Variants in LRP1B observed in about 807,000 individuals in gnomAD.
LRP1B encodes the protein LDL receptor related protein 1B.
A neutral mutation model predicts 556.6 loss-of-function variants in LRP1B; 217 were observed. That is an observed-to-expected ratio of 0.39 (90% CI 0.35 to 0.44). LRP1B has a LOEUF of 0.44. LRP1B is among the 20% of genes least tolerant of loss of function. The pLI, the probability that LRP1B is intolerant of heterozygous loss-of-function variation, is 1.00. For missense variants in LRP1B, 5,053 were observed against 5,620.8 expected (o/e 0.90, Z 3.23); for synonymous variants, 2,047 against 1,865.8 (o/e 1.10, Z -2.50).
At position 140,502,005 on chromosome 2, in the gene LRP1B, T is replaced by C. The variant is rs534279288; in HGVS notation, c.8663-131A>G. The C allele has an allele frequency of 1.2e-5, 8 of 646,702 alleles. No individual in the cohort carries two copies. In the East Asian group the frequency reaches 1.5e-4, roughly 12 times the overall value. 40.1% of individuals were successfully genotyped at this position (646,702 alleles called of 1,614,324 possible). ...TAATATAAGTTTATATAAAATCTTTTACATATTCAGTATAATATCTTACAC... is the reference window on the plus strand; with the variant it reads ...TAATATAAGTTTATATAAAATCTTTCACATATTCAGTATAATATCTTACAC... On this transcript the variant is annotated intron_variant, in intron 54 of 90. Coordinates refer to ENST00000389484, the MANE Select transcript of LRP1B (RefSeq NM_018557.3).
intron 2 of LRP1B, among the ~76,000 whole-genome samples, chr2:141,560,117 G>T (rs895968592): frequency 1.3e-5 from 2 of 151,618 alleles, no homozygotes; most frequent in African/African-American, 4.8e-5. Context: ...AAAGAAAATG[G>T]TTAAGAAAAA....
At chr2:142,129,864 T>C (rs948499695) in intron 1 of LRP1B, among the ~76,000 whole-genome samples, 1 of 152,032 alleles carries the variant, frequency 6.6e-6, no homozygotes, top group African/African-American at 2.4e-5. Flanking sequence ...GTTTATAGAA[T>C]CCCGGCTTTT....
At chr2:140,315,217 C>T in intron 82 of LRP1B, 118 bp from the exon 83 acceptor site, 1 of 652,600 alleles carries the variant, frequency 1.5e-6, no homozygotes, top group Non-Finnish European at 2.4e-6. Flanking sequence ...AATAATTAAC[C>T]CCAAGTACAA....
intron 1 of LRP1B, among the ~76,000 whole-genome samples, chr2:142,015,835 AC>A (rs1197586270): frequency 3.3e-5 from 5 of 151,914 alleles, no homozygotes; most frequent in African/African-American, 9.6e-5. Context: ...CTACTAAAAT[AC>A]AAAAAATTAG....
chr2:140,447,080 A>G (rs768658198), intron 63 of LRP1B, among the ~76,000 whole-genome samples: 23 of 152,154 alleles, frequency 1.5e-4, no homozygotes, highest in Non-Finnish European at 2.9e-5. Flanking sequence ...ATCACTAATT[A>G]TCAGGAAAAT....
intron 18 of LRP1B, among the ~76,000 whole-genome samples, chr2:140,958,191 C>A (rs1695930884): frequency 6.6e-6 from 1 of 151,336 alleles, no homozygotes; most frequent in African/African-American, 2.4e-5. Flanking sequence ...GCAGACCTAA[C>A]AAACAACAGG....
In LRP1B at chr2:140,535,671, A is replaced by T. The variant is rs147531503; in HGVS notation, c.7642+910T>A. On this transcript the variant is annotated intron_variant, in intron 46 of 90. Coordinates refer to ENST00000389484, the MANE Select transcript of LRP1B (RefSeq NM_018557.3). ...TATTGGATTTCTAGGATTAAAAATA[A>T]ATCAGGACAATTTTTTAAAAATCTG... Among the ~76,000 whole-genome samples, 558 of 152,310 alleles carry T rather than the reference A, an allele frequency of 3.7e-3. 7 individuals are homozygous for T. Among genetic ancestry groups the T allele is most frequent in the East Asian group, 0.034 (177 of 5,178 alleles).
At chr2:141,094,948 C>T (rs1319181434) in intron 7 of LRP1B, among the ~76,000 whole-genome samples, 1 of 152,062 alleles carries the variant, frequency 6.6e-6, no homozygotes, top group African/African-American at 2.4e-5. Context: ...AAGTTTGATC[C>T]CCAGTGCAAC....
intron 2 of LRP1B, among the ~76,000 whole-genome samples, chr2:141,610,774 G>A (rs1035217142): frequency 2.0e-5 from 3 of 152,156 alleles, no homozygotes; most frequent in African/African-American, 7.2e-5. Context: ...GGCAAATGCT[G>A]GTTGAATGCA....
At chr2:140,856,200 T>C (rs904445320) in intron 27 of LRP1B, among the ~76,000 whole-genome samples, 1 of 152,224 alleles carries the variant, frequency 6.6e-6, no homozygotes, top group Admixed American at 6.5e-5. Flanking sequence ...ATATCTATAT[T>C]CTTTTCCACC....
At chr2:141,249,201 T>C (rs185792528) in intron 4 of LRP1B, among the ~76,000 whole-genome samples, 40 of 152,222 alleles carry the variant, frequency 2.6e-4, no homozygotes, top group Admixed American at 2.0e-4. Flanking sequence ...TAATAGATTT[T>C]AAAAATAGGA....
Position 140,457,667 on chromosome 2 carries a change from G to A in LRP1B, c.9626-16C>T, listed in dbSNP as rs1274495953. ...TGATTAGGGACTGTAATAGGAGATG[G>A]TAAGATTAATGTTCAGTCTTGGAAG... is the stretch of plus-strand genomic sequence containing the variant. On this transcript the variant is annotated splice_polypyrimidine_tract_variant and intron_variant, in intron 60 of 90. Transcript: ENST00000389484. The A allele has an allele frequency of 1.3e-6, 2 of 1,599,250 alleles. No homozygotes were observed. Among genetic ancestry groups the A allele is most frequent in the Non-Finnish European group, 1.7e-6 (2 of 1,167,078 alleles).
At chr2:140,948,280 G>A (rs1176119565) in intron 20 of LRP1B, among the ~76,000 whole-genome samples, 1 of 152,114 alleles carries the variant, frequency 6.6e-6, no homozygotes, top group African/African-American at 2.4e-5. Context: ...CATCTGTGAG[G>A]AAGGAAAAAT....
intron 3 of LRP1B, among the ~76,000 whole-genome samples, chr2:141,461,463 T>C (rs970824286): frequency 5.9e-5 from 9 of 152,100 alleles, no homozygotes; most frequent in Non-Finnish European, 1.2e-4. Context: ...AGTGAAGAAA[T>C]AGCATAGTAG....
chr2:141,114,511 ACTGT>A (rs1700832112), intron 7 of LRP1B, among the ~76,000 whole-genome samples: 1 of 151,562 alleles, frequency 6.6e-6, no homozygotes, highest in Admixed American at 6.6e-5. Context: ...TGATCTCCTG[ACTGT>A]CTGTAGCAAA....
intron 3 of LRP1B, among the ~76,000 whole-genome samples, chr2:141,358,656 T>C (rs771063973): frequency 2.0e-5 from 3 of 152,220 alleles, no homozygotes; most frequent in Non-Finnish European, 2.9e-5. Flanking sequence ...CGAAATTGTT[T>C]TCATTACTGT....
intron 2 of LRP1B, among the ~76,000 whole-genome samples, chr2:141,542,332 A>AT (rs1172494668): frequency 6.6e-6 from 1 of 151,992 alleles, no homozygotes; most frequent in African/African-American, 2.4e-5. Flanking sequence ...GCTTTCTATG[A>AT]TTTTTAATGT....
At chr2:141,913,998 G>A (rs1401291360) in intron 1 of LRP1B, among the ~76,000 whole-genome samples, 2 of 152,038 alleles carry the variant, frequency 1.3e-5, no homozygotes, top group Non-Finnish European at 2.9e-5. Flanking sequence ...TGCCCACCTT[G>A]GCCTCCCAAA....
chr2:141,492,947 T>C (rs995184143), intron 2 of LRP1B, among the ~76,000 whole-genome samples: 13 of 152,302 alleles, frequency 8.5e-5, no homozygotes, highest in African/African-American at 3.1e-4. Flanking sequence ...GATACACTTT[T>C]AATGAAAACA....
Sources: allele counts gnomAD v4.1 joint callset (sites outside exome capture counted in the v4.1 genomes callset), GRCh38; gene constraint gnomAD v4.1.1; transcripts MANE v1.5; gene names NCBI Gene and HGNC (gene_info 2026-07-23, HGNC 2026-07-21).